DPYD: variants seen among roughly 807,000 people sequenced by gnomAD.
DPYD encodes dihydropyrimidine dehydrogenase.
DPYD carries 109 observed loss-of-function variants against 116.2 expected under a neutral mutation model. The ratio of observed to expected loss-of-function variants is 0.94; its 90% CI spans 0.80 to 1.10. The LOEUF is 1.10. Among genes scored for constraint, DPYD ranks in the 50% least tolerant of loss-of-function variants. The probability of loss-of-function intolerance (pLI) is 0.00; values close to 1 mark genes in which losing one functional copy is unlikely to be tolerated. For missense variants in DPYD, 1,302 were observed against 1,254.5 expected (o/e 1.04, Z -0.57); for synonymous variants, 440 against 432.0 (o/e 1.02, Z -0.23).
At chr1:97,519,401 T>C (rs1648475436) in intron 12 of DPYD, among the ~76,000 whole-genome samples, 1 of 152,132 alleles carries the variant, frequency 6.6e-6, no homozygotes, top group African/African-American at 2.4e-5. Context: ...AGGAAAGACC[T>C]GGCCCCATGA....
At chr1:97,446,630 C>T (rs1239288695) in intron 14 of DPYD, among the ~76,000 whole-genome samples, 3 of 152,176 alleles carry the variant, frequency 2.0e-5, no homozygotes, top group Non-Finnish European at 4.4e-5. Context: ...TGATTCACTG[C>T]TGAAGCCCTA....
intron 3 of DPYD, among the ~76,000 whole-genome samples, chr1:97,758,764 A>AT (rs1017181224): frequency 1.3e-5 from 2 of 152,106 alleles, no homozygotes; most frequent in African/African-American, 4.8e-5. Context: ...GCAATTTCCC[A>AT]TTTATTTCTA....
chr1:97,763,542 G>C (rs1030787846), intron 3 of DPYD, among the ~76,000 whole-genome samples: 3 of 151,912 alleles, frequency 2.0e-5, no homozygotes, highest in Non-Finnish European at 2.9e-5. Context: ...CATCAAGAAA[G>C]GAAAATGAAA....
At chr1:97,921,045 G>T (rs957111319), upstream of DPYD, 13 of 1,274,402 alleles carry the variant, frequency 1.0e-5, no homozygotes, top group African/African-American at 1.4e-4. Flanking sequence ...AGGGCCGGCG[G>T]CGCGGGGGCG....
intron 3 of DPYD, among the ~76,000 whole-genome samples, chr1:97,815,956 G>C (rs923888307): frequency 6.6e-6 from 1 of 152,090 alleles, no homozygotes; most frequent in African/African-American, 2.4e-5. Context: ...TTGAAATTAG[G>C]GTTTATTCCC....
chr1:97,763,189 C>T (rs566188114), intron 3 of DPYD, among the ~76,000 whole-genome samples: 33 of 152,038 alleles, frequency 2.2e-4, no homozygotes, highest in African/African-American at 7.2e-4. Context: ...ATCTATCTCC[C>T]CCTACTAAAT....
chr1:97,256,550 G>A (rs540664746), intron 18 of DPYD, among the ~76,000 whole-genome samples: 23 of 152,002 alleles, frequency 1.5e-4, no homozygotes, highest in Non-Finnish European at 1.5e-4. Flanking sequence ...TGTTATCCAC[G>A]TTAAGATGTG....
chr1:97,830,931 T>A (rs532829107), intron 2 of DPYD, among the ~76,000 whole-genome samples: 2 of 152,292 alleles, frequency 1.3e-5, no homozygotes, highest in African/African-American at 4.8e-5. Flanking sequence ...AATGGCATAT[T>A]CTGCCTTGAT....
chr1:97,284,006 G>T (rs942495769), intron 18 of DPYD, among the ~76,000 whole-genome samples: 2 of 152,054 alleles, frequency 1.3e-5, no homozygotes, highest in Non-Finnish European at 2.9e-5. Flanking sequence ...AAAGGCAGCC[G>T]ATATAATACC....
chr1:97,265,938 T>C (rs1664200063), intron 18 of DPYD, among the ~76,000 whole-genome samples: 1 of 152,196 alleles, frequency 6.6e-6, no homozygotes, highest in Non-Finnish European at 1.5e-5. Flanking sequence ...TTAAACTTTC[T>C]ATATGAGATG....
At chr1:97,411,068 T>C (rs1269306272) in intron 14 of DPYD, among the ~76,000 whole-genome samples, 1 of 152,156 alleles carries the variant, frequency 6.6e-6, no homozygotes, top group Non-Finnish European at 1.5e-5. Context: ...GTTCTTTACC[T>C]GAATGGTCTA....
chr1:97,883,979 G>A, intron 1 of DPYD: 5 of 308,580 alleles, frequency 1.6e-5, no homozygotes, highest in Non-Finnish European at 1.9e-5. Context: ...AAATTTATAT[G>A]GAAAAAGTGA....
At chr1:97,894,070 T>C (rs1283991324) in intron 1 of DPYD, among the ~76,000 whole-genome samples, 1 of 151,760 alleles carries the variant, frequency 6.6e-6, no homozygotes, top group Non-Finnish European at 1.5e-5. Flanking sequence ...AAACAACAGA[T>C]CTTTATTTCT....
intron 12 of DPYD, 36 bp downstream of exon 12, chr1:97,549,524 G>C (rs961216996): frequency 2.5e-6 from 4 of 1,607,116 alleles, no homozygotes; most frequent in Non-Finnish European, 3.4e-6. Flanking sequence ...TTATCCATTG[G>C]AAAAGAATTA....
rs927726151 is a variant in DPYD at position 97,127,223 on chromosome 1, T to C, written c.2623-28591A>G. On this transcript the variant is annotated intron_variant, in intron 20 of 22. Coordinates refer to ENST00000370192, the MANE Select transcript of DPYD (RefSeq NM_000110.4). Reference sequence around the variant, plus strand: ...ATTCCAAGCCGTGAGATGATGTTTGTGACAAAGAGGAAAACAGAACATGGA... The same window carrying C: ...ATTCCAAGCCGTGAGATGATGTTTGCGACAAAGAGGAAAACAGAACATGGA... 9.9e-5 allele frequency among the ~76,000 whole-genome samples: 15 copies of C among 152,214 alleles called. 1 individual carries two copies. Among genetic ancestry groups the C allele is most frequent in the Non-Finnish European group, 2.9e-5 (2 of 68,012 alleles).
chr1:97,788,571 T>A (rs1221115439), intron 3 of DPYD, among the ~76,000 whole-genome samples: 3 of 152,158 alleles, frequency 2.0e-5, no homozygotes, highest in African/African-American at 7.2e-5. Flanking sequence ...TTGCAAAAAA[T>A]TATAAGTTGT....
intron 4 of DPYD, among the ~76,000 whole-genome samples, chr1:97,739,775 T>C (rs1366105249): frequency 6.6e-6 from 1 of 152,000 alleles, no homozygotes; most frequent in Non-Finnish European, 1.5e-5. Flanking sequence ...AATTATTCAA[T>C]CAATCAACCA....
At chr1:97,303,683 A>C (rs977771390) in intron 18 of DPYD, among the ~76,000 whole-genome samples, 1 of 152,056 alleles carries the variant, frequency 6.6e-6, no homozygotes, top group African/African-American at 2.4e-5. Flanking sequence ...GGCTATTTTC[A>C]AAACAGATTG....
At chr1:97,087,533 C>A (rs770042061) in intron 21 of DPYD, among the ~76,000 whole-genome samples, 1 of 152,062 alleles carries the variant, frequency 6.6e-6, no homozygotes, top group Non-Finnish European at 1.5e-5. Context: ...ACTTTTGGAA[C>A]CAAAGTAGTG....
Sources: allele counts gnomAD v4.1 joint callset (sites outside exome capture counted in the v4.1 genomes callset), GRCh38; gene constraint gnomAD v4.1.1; transcripts MANE v1.5; gene names NCBI Gene and HGNC (gene_info 2026-07-23, HGNC 2026-07-21).